WWOX: variants seen among roughly 807,000 people sequenced by gnomAD.
WWOX encodes the protein WW domain containing oxidoreductase, also known as WW domain-containing oxidoreductase.
A neutral mutation model predicts 46.2 loss-of-function variants in WWOX; 69 were observed. The ratio of observed to expected loss-of-function variants is 1.49; its 90% CI spans 1.23 to 1.82. The LOEUF is 1.82. WWOX is among the 40% of genes most tolerant of loss of function. The pLI is 0.00. For missense variants in WWOX, 919 were observed against 542.6 expected (o/e 1.69, Z -6.89); for synonymous variants, 359 against 202.6 (o/e 1.77, Z -6.56).
At chr16:78,678,384 T>C (rs930570669) in intron 8 of WWOX, among the ~76,000 whole-genome samples, 6 of 152,112 alleles carry the variant, frequency 3.9e-5, no homozygotes, top group African/African-American at 1.4e-4. Context: ...TCTAAAAATA[T>C]TTATCTATAT....
At chr16:78,620,827 A>G (rs888578566) in intron 8 of WWOX, among the ~76,000 whole-genome samples, 1 of 151,950 alleles carries the variant, frequency 6.6e-6, no homozygotes, top group Non-Finnish European at 1.5e-5. Context: ...TTGGATATGG[A>G]TTTCTTCCTC....
chr16:78,903,938 C>T (rs142990265), intron 8 of WWOX, among the ~76,000 whole-genome samples: 37 of 152,232 alleles, frequency 2.4e-4, no homozygotes, highest in East Asian at 2.1e-3. Context: ...TCATTTTCTC[C>T]GGGCCAGCCA....
intron 5 of WWOX, among the ~76,000 whole-genome samples, chr16:78,272,567 G>T (rs1015539977): frequency 1.3e-5 from 2 of 152,144 alleles, no homozygotes; most frequent in African/African-American, 4.8e-5. Context: ...CAAAGAATTT[G>T]CAGCCATCTT....
chr16:78,109,244 T>A (rs548890262), intron 2 of WWOX, among the ~76,000 whole-genome samples: 1 of 152,076 alleles, frequency 6.6e-6, no homozygotes, highest in South Asian at 2.1e-4. Context: ...CCCAGCCCTT[T>A]GGGAGGCAGA....
intron 8 of WWOX, among the ~76,000 whole-genome samples, chr16:78,762,384 T>C (rs1567543033): frequency 6.6e-6 from 1 of 151,992 alleles, no homozygotes; most frequent in Non-Finnish European, 1.5e-5. Flanking sequence ...TTAACCAGAG[T>C]CTCTTGGTGA....
At chr16:78,957,820 C>G (rs763984220) in intron 8 of WWOX, among the ~76,000 whole-genome samples, 4 of 152,204 alleles carry the variant, frequency 2.6e-5, no homozygotes, top group African/African-American at 9.6e-5. Flanking sequence ...TGTCCCTGCG[C>G]TGGTGCGGCT....
intron 8 of WWOX, among the ~76,000 whole-genome samples, chr16:79,159,718 G>T (rs965352956): frequency 6.6e-6 from 1 of 152,160 alleles, no homozygotes; most frequent in African/African-American, 2.4e-5. Flanking sequence ...AGTATTAAAC[G>T]CATGCTCAAT....
intron 8 of WWOX, among the ~76,000 whole-genome samples, chr16:79,025,037 C>G (rs1031827157): frequency 3.3e-5 from 5 of 152,256 alleles, no homozygotes; most frequent in Non-Finnish European, 7.4e-5. Context: ...TTGGGGAGGA[C>G]CTTGTGTTCC....
chr16:78,528,302 C>T (rs1025034002), intron 8 of WWOX, among the ~76,000 whole-genome samples: 2 of 151,002 alleles, frequency 1.3e-5, no homozygotes, highest in African/African-American at 4.9e-5. Flanking sequence ...ACATGAGCCA[C>T]CACACCCGCC....
intron 8 of WWOX, among the ~76,000 whole-genome samples, chr16:79,073,932 C>T (rs995052560): frequency 6.6e-6 from 1 of 151,824 alleles, no homozygotes; most frequent in Non-Finnish European, 1.5e-5. Context: ...TCTAGCAATT[C>T]TCAATGTTTT....
At chr16:78,379,401 C>A (rs562292796) in intron 5 of WWOX, among the ~76,000 whole-genome samples, 1 of 152,116 alleles carries the variant, frequency 6.6e-6, no homozygotes, top group Non-Finnish European at 1.5e-5. Flanking sequence ...CCTCCAGATA[C>A]AATGGAGGCC....
chr16:78,803,563 C>G (rs1375815496), intron 8 of WWOX, among the ~76,000 whole-genome samples: 2 of 152,118 alleles, frequency 1.3e-5, no homozygotes, highest in Non-Finnish European at 2.9e-5. Flanking sequence ...CGTCCTGCCT[C>G]AGCCTCCCAA....
chr16:79,209,105 A>C (rs1378112092), intron 8 of WWOX, among the ~76,000 whole-genome samples: 1 of 152,206 alleles, frequency 6.6e-6, no homozygotes, highest in Non-Finnish European at 1.5e-5. Context: ...CCCCAAGCCT[A>C]GTGGCAAAGG....
At chr16:78,586,761 A>C (rs2045218034) in intron 8 of WWOX, among the ~76,000 whole-genome samples, 1 of 152,118 alleles carries the variant, frequency 6.6e-6, no homozygotes. Context: ...GACATAGAGG[A>C]ATTTTGATTC....
intron 8 of WWOX, among the ~76,000 whole-genome samples, chr16:78,556,399 G>T (rs1412123190): frequency 4.6e-5 from 7 of 152,184 alleles, no homozygotes; most frequent in African/African-American, 1.7e-4. Context: ...CTTGAGAGGA[G>T]CAGAGTTCTT....
At chr16:79,199,280 C>G (rs893689339) in intron 8 of WWOX, among the ~76,000 whole-genome samples, 3 of 152,164 alleles carry the variant, frequency 2.0e-5, no homozygotes, top group African/African-American at 4.8e-5. Context: ...CCAGGCTGGT[C>G]TCGAACTCCT....
At chr16:78,783,291 T>G (rs1337457235) in intron 8 of WWOX, among the ~76,000 whole-genome samples, 1 of 152,250 alleles carries the variant, frequency 6.6e-6, no homozygotes, top group Non-Finnish European at 1.5e-5. Flanking sequence ...ACAGTGTGTG[T>G]GGCACTGTGC....
chr16:79,180,102 GA>G (rs1158387593), intron 8 of WWOX, among the ~76,000 whole-genome samples: 2 of 152,002 alleles, frequency 1.3e-5, no homozygotes, highest in East Asian at 3.9e-4. Flanking sequence ...CAACAAGAAA[GA>G]ATCTTTGCTA....
chr16:78,357,343 C>G (rs1487253140), intron 5 of WWOX, among the ~76,000 whole-genome samples: 1 of 152,152 alleles, frequency 6.6e-6, no homozygotes, highest in Non-Finnish European at 1.5e-5. Context: ...CACACAAACA[C>G]ACTCCAGAAT....
Sources: allele counts gnomAD v4.1 joint callset (sites outside exome capture counted in the v4.1 genomes callset), GRCh38; gene constraint gnomAD v4.1.1; transcripts MANE v1.5; gene names NCBI Gene and HGNC (gene_info 2026-07-23, HGNC 2026-07-21).